Variants in FRK observed in about 807,000 individuals in gnomAD.
The protein encoded by FRK is fyn related Src family tyrosine kinase, also known as tyrosine-protein kinase FRK.
FRK carries 51 observed loss-of-function variants against 56.4 expected under a neutral mutation model. The ratio of observed to expected loss-of-function variants is 0.90; its 90% CI spans 0.72 to 1.14. The LOEUF (loss-of-function observed/expected upper bound fraction) is 1.14. FRK is among the 50% of genes most tolerant of loss of function. The pLI is 0.00. For synonymous variants in FRK, 245 were observed against 217.9 expected, an observed-to-expected ratio of 1.12 and a Z score of -1.10; for missense variants, 570 against 601.4, an observed-to-expected ratio of 0.95 and a Z score of 0.55.
chr6:115,966,513 G>GT (rs1464855914), intron 4 of FRK, among the ~76,000 whole-genome samples: 1 of 152,134 alleles, frequency 6.6e-6, no homozygotes, highest in Non-Finnish European at 1.5e-5. Flanking sequence ...ACACAGTTTG[G>GT]GAACCATGGT....
intron 1 of FRK, among the ~76,000 whole-genome samples, chr6:116,033,544 A>G (rs1242387698): frequency 6.6e-6 from 1 of 152,132 alleles, no homozygotes; most frequent in African/African-American, 2.4e-5. Context: ...CAAATTTTAT[A>G]AAATCATTTT....
chr6:116,096,314 T>C, the FRK span, among the ~76,000 whole-genome samples: 3 of 152,176 alleles, frequency 2.0e-5, no homozygotes, highest in Non-Finnish European at 4.4e-5. Flanking sequence ...GAGGAGAGAT[T>C]GAGAGGTGAA....
chr6:116,026,492 G>T lies in FRK; in HGVS notation c.345-22494C>A, dbSNP rs1180746329. Among the ~76,000 whole-genome samples the T allele has an allele frequency of 3.1e-4, 21 of 66,778 alleles. 1 individual carries two copies. The East Asian group carries it at 9.3e-3, about 30-fold the overall frequency. 43.8% of individuals were successfully genotyped at this position (66,778 alleles called of 152,430 possible). A position where few individuals can be genotyped will look rare whatever the true frequency, so the allele number is the denominator to read the frequency against. Reference sequence around the variant, plus strand: ...AATAGAAAAACATAAGTTGAACCAGGAAGGAAGGAAGGAAGGAAGGAGGGA... The same window carrying T: ...AATAGAAAAACATAAGTTGAACCAGTAAGGAAGGAAGGAAGGAAGGAGGGA... On this transcript the variant is annotated intron_variant, in intron 1 of 7. Coordinates refer to ENST00000606080, the MANE Select transcript of FRK (RefSeq NM_002031.3).
intron 1 of FRK, among the ~76,000 whole-genome samples, chr6:116,030,239 G>A (rs1470229765): frequency 6.6e-6 from 1 of 152,066 alleles, no homozygotes; most frequent in Non-Finnish European, 1.5e-5. Context: ...CAGAGGTAAG[G>A]GAGAGAGGAT....
chr6:116,055,932 G>T (rs1412440299), intron 1 of FRK, among the ~76,000 whole-genome samples: 1 of 152,156 alleles, frequency 6.6e-6, no homozygotes, highest in Non-Finnish European at 1.5e-5. Flanking sequence ...ACATTTCATT[G>T]TTGTTATCAT....
At chr6:115,947,317 A>AGTGT (rs10577529) in intron 5 of FRK, among the ~76,000 whole-genome samples, 2,976 of 149,852 alleles carry the variant, frequency 0.02, 113 homozygotes, top group African/African-American at 0.067. Context: ...AGACTTAAAC[A>AGTGT]GTGTGTGTGT....
chr6:115,954,916 T>A (rs975509385), intron 5 of FRK, among the ~76,000 whole-genome samples: 1 of 152,180 alleles, frequency 6.6e-6, no homozygotes, highest in Non-Finnish European at 1.5e-5. Context: ...CAATGTAGCA[T>A]GGATAAGAAA....
At chr6:115,971,779 G>A (rs1261468723) in intron 2 of FRK, among the ~76,000 whole-genome samples, 3 of 152,156 alleles carry the variant, frequency 2.0e-5, no homozygotes, top group African/African-American at 4.8e-5. Flanking sequence ...TCCCCAGCTC[G>A]GTCTGGCCCG....
At chr6:115,954,193 A>G (rs1224178994) in intron 5 of FRK, among the ~76,000 whole-genome samples, 1 of 152,224 alleles carries the variant, frequency 6.6e-6, no homozygotes, top group Non-Finnish European at 1.5e-5. Context: ...GCATGCCTGG[A>G]TGGTAGGACA....
chr6:115,958,704 GAAGAAAGAAAGAAAGAAAGA>G (rs778214232), intron 4 of FRK, among the ~76,000 whole-genome samples: 1 of 6,960 alleles, frequency 1.4e-4, no homozygotes, highest in African/African-American at 4.0e-4. Flanking sequence ...AAGAAAGAAA[GAAGAAAGAAAGAAAGAAAGA>G]AAGAAAGAAA....
chr6:115,959,084 T>G (rs2114572318), intron 4 of FRK, among the ~76,000 whole-genome samples: 1 of 152,282 alleles, frequency 6.6e-6, no homozygotes, highest in African/African-American at 2.4e-5. Flanking sequence ...CAATCTCAAC[T>G]CAGCTAGTAA....
At chr6:116,073,013 T>C in the FRK span, among the ~76,000 whole-genome samples, 7,235 of 152,230 alleles carry the variant, frequency 0.048, 307 homozygotes, top group African/African-American at 0.11. Context: ...TATGTGTATG[T>C]GTGACATTTA....
intron 4 of FRK, among the ~76,000 whole-genome samples, chr6:115,957,007 T>C (rs1368430899): frequency 6.6e-6 from 1 of 152,226 alleles, no homozygotes; most frequent in East Asian, 1.9e-4. Context: ...ATACCTGCCC[T>C]GTCCTTGGTG....
intron 1 of FRK, among the ~76,000 whole-genome samples, chr6:116,052,477 G>C (rs1399719605): frequency 2.0e-5 from 3 of 152,006 alleles, no homozygotes; most frequent in African/African-American, 7.2e-5. Flanking sequence ...ATTATTCACA[G>C]GTATCATACT....
At chr6:116,082,180 G>C in the FRK span, among the ~76,000 whole-genome samples, 16 of 152,180 alleles carry the variant, frequency 1.1e-4, no homozygotes, top group Non-Finnish European at 2.1e-4. Context: ...AAGAAGGCTG[G>C]TTTGATTGTA....
intron 1 of FRK, among the ~76,000 whole-genome samples, chr6:116,037,563 C>T (rs911342494): frequency 6.6e-6 from 1 of 152,132 alleles, no homozygotes; most frequent in Non-Finnish European, 1.5e-5. Flanking sequence ...GACTTATTTC[C>T]ATACTGAGCA....
At chr6:116,097,538 G>C in the FRK span, among the ~76,000 whole-genome samples, 11 of 152,154 alleles carry the variant, frequency 7.2e-5, no homozygotes, top group African/African-American at 2.7e-4. Context: ...CAAAAGATCA[G>C]TTATTGAGAT....
At chr6:115,970,898 G>C (rs1054958739) in intron 2 of FRK, among the ~76,000 whole-genome samples, 5 of 151,952 alleles carry the variant, frequency 3.3e-5, no homozygotes, top group Non-Finnish European at 7.4e-5. Flanking sequence ...GTCCAGCCTG[G>C]GCAACAGAAC....
In FRK at chr6:115,931,629, A is replaced by G. The variant is rs185658629; in HGVS notation, c.*10785T>C. The G allele has an allele frequency of 9.5e-4, 145 of 152,320 alleles. No homozygotes were observed. Among genetic ancestry groups the G allele is most frequent in the African/African-American group, 3.5e-3 (144 of 41,584 alleles). 9.4% of individuals were successfully genotyped at this position (152,320 alleles called of 1,614,324 possible). On this transcript the variant is annotated 3_prime_UTR_variant, in exon 8 of 8. Transcript: ENST00000606080. The stretch of plus-strand genomic sequence containing the variant: ...TTATTTTTTGAATCAATAATTAAAT[A>G]TAGATTTTGAAAATTGATTAAAAGC...
Sources: allele counts gnomAD v4.1 joint callset (sites outside exome capture counted in the v4.1 genomes callset), GRCh38; gene constraint gnomAD v4.1.1; transcripts MANE v1.5; gene names NCBI Gene and HGNC (gene_info 2026-07-23, HGNC 2026-07-21).